The following NFIB variants were observed in gnomAD, a reference collection of about 807,000 sequenced individuals.
NFIB encodes nuclear factor 1 B-type.
Under a neutral mutation model 61.5 loss-of-function variants are expected in NFIB, and 11 were observed. The observed-to-expected ratio is 0.18, with a 90% CI of 0.11 to 0.30. The LOEUF is 0.30. Ranked by LOEUF, NFIB falls within the 10% of genes least tolerant of loss-of-function variation. The pLI, the probability that NFIB is intolerant of heterozygous loss-of-function variation, is 1.00. For synonymous variants in NFIB, 260 were observed against 216.5 expected, an observed-to-expected ratio of 1.20 and a Z score of -1.76; for missense variants, 471 against 608.9, an observed-to-expected ratio of 0.77 and a Z score of 2.38.
At chr9:14,299,750 T>G (rs1350310469) in intron 2 of NFIB, among the ~76,000 whole-genome samples, 1 of 152,224 alleles carries the variant, frequency 6.6e-6, no homozygotes, top group African/African-American at 2.4e-5. Flanking sequence ...GCTGTCCTGT[T>G]TAAGCTATCA....
At chr9:14,381,686 CAAT>C (rs2061491112) in intron 1 of NFIB, among the ~76,000 whole-genome samples, 1 of 152,028 alleles carries the variant, frequency 6.6e-6, no homozygotes, top group South Asian at 2.1e-4. Flanking sequence ...TAGGACAGGC[CAAT>C]AATATAATTG....
chr9:14,276,648 G>A (rs926745670), intron 2 of NFIB, among the ~76,000 whole-genome samples: 2 of 152,100 alleles, frequency 1.3e-5, no homozygotes, highest in Admixed American at 6.6e-5. Context: ...CTTTAGATGA[G>A]TAATAATAAT....
At chr9:14,414,445 A>G in the NFIB span, among the ~76,000 whole-genome samples, 2 of 150,642 alleles carry the variant, frequency 1.3e-5, no homozygotes, top group African/African-American at 2.4e-5. Context: ...AAAAAAAAAA[A>G]AAAAAAGAAA....
intron 4 of NFIB, among the ~76,000 whole-genome samples, chr9:14,152,839 C>A (rs2043008510): frequency 6.6e-6 from 1 of 150,878 alleles, no homozygotes; most frequent in Non-Finnish European, 1.5e-5. Flanking sequence ...AAAAGTTGAT[C>A]TCATCGAAGG....
the NFIB span, among the ~76,000 whole-genome samples, chr9:14,519,734 A>G: frequency 1.3e-5 from 2 of 152,194 alleles, no homozygotes; most frequent in East Asian, 3.9e-4. Flanking sequence ...CAATCTTACT[A>G]AGCAGATCCT....
chr9:14,087,917 G>C lies in NFIB; in HGVS notation c.*392C>G, dbSNP rs1043900961. On this transcript the variant is annotated 3_prime_UTR_variant, in exon 11 of 11. Coordinates refer to ENST00000380953, the MANE Select transcript of NFIB (RefSeq NM_001190737.2). ...AAGTCAGTTAAAATATATTGTCATA[G>C]AGACAGAACATCTATTTCCCAGCGG... 5.0e-5 allele frequency: 12 copies of C among 242,108 alleles called. No individual in the cohort carries two copies. The highest frequency in any genetic ancestry group is 7.3e-5 in the Non-Finnish European group (9 of 123,484). The allele number at this position is 242,108 out of a possible 1,614,324, so 15.0% of individuals were successfully genotyped here.
At chr9:14,263,677 G>C (rs2056972967) in intron 2 of NFIB, among the ~76,000 whole-genome samples, 1 of 152,162 alleles carries the variant, frequency 6.6e-6, no homozygotes, top group Non-Finnish European at 1.5e-5. Context: ...AATAATTTGT[G>C]TGTGCATCTG....
At chr9:14,142,801 A>C (rs564668746) in intron 6 of NFIB, among the ~76,000 whole-genome samples, 1 of 152,292 alleles carries the variant, frequency 6.6e-6, no homozygotes, top group African/African-American at 2.4e-5. Context: ...CCAAAAAAGA[A>C]AGTTTTTAAT....
the NFIB span, among the ~76,000 whole-genome samples, chr9:14,487,849 A>G: frequency 6.6e-6 from 1 of 152,236 alleles, no homozygotes; most frequent in African/African-American, 2.4e-5. Context: ...CATGCTCCAG[A>G]CAGACGACGA....
intron 2 of NFIB, among the ~76,000 whole-genome samples, chr9:14,247,196 G>A (rs2055034016): frequency 6.6e-6 from 1 of 152,172 alleles, no homozygotes; most frequent in Non-Finnish European, 1.5e-5. Context: ...AAGCTGACTA[G>A]GACTTATACC....
chr9:14,133,672 T>G (rs544294880), intron 6 of NFIB, among the ~76,000 whole-genome samples: 104 of 152,278 alleles, frequency 6.8e-4, no homozygotes, highest in Non-Finnish European at 1.3e-3. Flanking sequence ...TGCCCTGGGA[T>G]AAACAGTGTT....
At chr9:14,252,674 A>T (rs1232692610) in intron 2 of NFIB, among the ~76,000 whole-genome samples, 1 of 152,240 alleles carries the variant, frequency 6.6e-6, no homozygotes, top group Admixed American at 6.5e-5. Flanking sequence ...TACTGGATAC[A>T]TCCTTATTAA....
chr9:14,244,363 T>C (rs1203398270), intron 2 of NFIB, among the ~76,000 whole-genome samples: 2 of 152,338 alleles, frequency 1.3e-5, no homozygotes, highest in South Asian at 4.1e-4. Context: ...CATATACCAG[T>C]GCAGTCAGAT....
At chr9:14,402,130 A>G (rs2061748675), upstream of NFIB, among the ~76,000 whole-genome samples, 2 of 152,322 alleles carry the variant, frequency 1.3e-5, no homozygotes, top group African/African-American at 4.8e-5. Context: ...CCAGAGCATG[A>G]AAGAGACATA....
At chr9:14,161,574 A>T (rs1245379467) in intron 3 of NFIB, among the ~76,000 whole-genome samples, 1 of 151,842 alleles carries the variant, frequency 6.6e-6, no homozygotes, top group African/African-American at 2.4e-5. Flanking sequence ...TTTTCCTATT[A>T]ACATTGTATC....
chr9:14,322,233 G>C, intron 1 of NFIB: 1 of 736,196 alleles, frequency 1.4e-6, no homozygotes, highest in Non-Finnish European at 1.8e-6. Flanking sequence ...TGGATTTCCA[G>C]CTTTCTTTCC....
intron 7 of NFIB, among the ~76,000 whole-genome samples, chr9:14,125,028 C>A (rs935302415): frequency 1.3e-5 from 2 of 152,128 alleles, no homozygotes; most frequent in African/African-American, 4.8e-5. Context: ...AATATCAGGA[C>A]TAATCCTGAA....
intron 1 of NFIB, among the ~76,000 whole-genome samples, chr9:14,385,964 G>A (rs75495431): frequency 0.051 from 7,781 of 152,016 alleles, 277 homozygotes; most frequent in Middle Eastern, 0.12. Context: ...TGTATGTTCA[G>A]TAGAGACAGG....
At chr9:14,107,590 A>G (rs1239607569) in intron 10 of NFIB, among the ~76,000 whole-genome samples, 1 of 152,092 alleles carries the variant, frequency 6.6e-6, no homozygotes, top group Admixed American at 6.6e-5. Context: ...TTTGGAGCTT[A>G]TGTAGTTCAA....
Sources: allele counts gnomAD v4.1 joint callset (sites outside exome capture counted in the v4.1 genomes callset), GRCh38; gene constraint gnomAD v4.1.1; transcripts MANE v1.5; gene names NCBI Gene and HGNC (gene_info 2026-07-23, HGNC 2026-07-21).